DMD: variants seen among roughly 807,000 people sequenced by gnomAD.
The protein encoded by DMD is mutant dystrophin.
Under a neutral mutation model 330.1 loss-of-function variants are expected in DMD, and 63 were observed. The ratio of observed to expected loss-of-function variants is 0.19; its 90% CI spans 0.16 to 0.24. The LOEUF (loss-of-function observed/expected upper bound fraction) is 0.24. Ranked by LOEUF, DMD falls within the 10% of genes least tolerant of loss-of-function variation. The probability of loss-of-function intolerance (pLI) is 1.00; values close to 1 mark genes in which losing one functional copy is unlikely to be tolerated. For missense variants in DMD, 3,344 were observed against 2,684.1 expected (o/e 1.25, Z -5.43); for synonymous variants, 1,223 against 959.8 (o/e 1.27, Z -5.07).
At chrX:32,496,762 G>C (rs760764392) in intron 19 of DMD, among the ~76,000 whole-genome samples, 9 of 112,747 alleles carry the variant, frequency 8.0e-5, no homozygotes, top group Non-Finnish European at 1.5e-4. Flanking sequence ...GAAGAAAAAT[G>C]TGCCTGTCAA....
chrX:32,293,624 C>T (rs370782129), intron 42 of DMD, among the ~76,000 whole-genome samples: 6 of 111,697 alleles, frequency 5.4e-5, no homozygotes, highest in Non-Finnish European at 7.5e-5. Context: ...TAGCTTTGTA[C>T]GACATTGCAG....
At chrX:31,895,796 T>C (rs2094323363) in intron 47 of DMD, among the ~76,000 whole-genome samples, 1 of 111,700 alleles carries the variant, frequency 9.0e-6, no homozygotes, top group African/African-American at 3.2e-5. Flanking sequence ...TGACAGCTAT[T>C]TCATCTGCAC....
chrX:32,932,372 TTATA>T (rs2089662457), intron 2 of DMD, among the ~76,000 whole-genome samples: 1 of 112,111 alleles, frequency 8.9e-6, no homozygotes, highest in African/African-American at 3.2e-5. Context: ...GTGTGTCATA[TTATA>T]TATAGTTTCC....
intron 9 of DMD, among the ~76,000 whole-genome samples, chrX:32,670,389 A>G (rs2061558997): frequency 8.9e-6 from 1 of 112,156 alleles, no homozygotes; most frequent in African/African-American, 3.2e-5. Flanking sequence ...CACAAAGGCC[A>G]GAAGACATAA....
At chrX:31,651,386 G>A (rs2080441972) in intron 54 of DMD, among the ~76,000 whole-genome samples, 1 of 111,223 alleles carries the variant, frequency 9.0e-6, no homozygotes, top group Non-Finnish European at 1.9e-5. Context: ...TACTCAAAAT[G>A]TGCAGAGAGA....
chrX:33,236,495 T>C (rs761758237), intron 1 of DMD, among the ~76,000 whole-genome samples: 2 of 109,009 alleles, frequency 1.8e-5, no homozygotes, highest in Non-Finnish European at 3.8e-5. Flanking sequence ...GAACTCCTGA[T>C]CTCAAGTGAC....
At chrX:31,522,037 T>C (rs939264263) in intron 55 of DMD, among the ~76,000 whole-genome samples, 27 of 110,600 alleles carry the variant, frequency 2.4e-4, no homozygotes, top group African/African-American at 7.9e-4. Flanking sequence ...AAATAACATG[T>C]GATCATGTTA....
chrX:32,055,030 T>C (rs1325507365), intron 44 of DMD, among the ~76,000 whole-genome samples: 1 of 111,619 alleles, frequency 9.0e-6, no homozygotes, highest in Non-Finnish European at 1.9e-5. Context: ...AAACTATGCA[T>C]GGTGAAAATG....
chrX:32,684,391 A>G (rs760129802), intron 9 of DMD, among the ~76,000 whole-genome samples: 5 of 111,723 alleles, frequency 4.5e-5, no homozygotes, highest in Admixed American at 1.9e-4. Context: ...CATTAAAAAT[A>G]TTTACCCTAA....
At chrX:32,386,541 T>G in intron 32 of DMD, 76 bp from the exon 33 acceptor site, 1 of 924,954 alleles carries the variant, frequency 1.1e-6, no homozygotes, top group East Asian at 3.4e-5. Flanking sequence ...CAGAAATAAA[T>G]AGAGATCCCC....
At chrX:33,052,651 T>A (rs1275449868) in intron 1 of DMD, among the ~76,000 whole-genome samples, 2 of 111,858 alleles carry the variant, frequency 1.8e-5, no homozygotes, top group Non-Finnish European at 3.8e-5. Context: ...TAAAATTATA[T>A]ATTTTGAGGG....
intron 7 of DMD, among the ~76,000 whole-genome samples, chrX:32,766,171 A>C (rs2072957657): frequency 9.0e-6 from 1 of 111,069 alleles, no homozygotes; most frequent in Admixed American, 9.6e-5. Flanking sequence ...CGTTTCAACT[A>C]TTCCTGGATC....
At chrX:32,707,641 A>G (rs753214466) in intron 7 of DMD, among the ~76,000 whole-genome samples, 11 of 112,235 alleles carry the variant, frequency 9.8e-5, no homozygotes, top group Non-Finnish European at 1.3e-4. Context: ...CTCTTCCGTC[A>G]CAATTGTCCT....
chrX:32,875,272 C>T (rs868638544), intron 2 of DMD, among the ~76,000 whole-genome samples: 1 of 111,624 alleles, frequency 9.0e-6, no homozygotes, highest in African/African-American at 3.3e-5. Context: ...TAACAGATTA[C>T]ACCCTGTCTC....
intron 2 of DMD, among the ~76,000 whole-genome samples, chrX:32,930,635 G>C (rs780961412): frequency 5.4e-5 from 6 of 110,250 alleles, no homozygotes; most frequent in Admixed American, 3.9e-4. Flanking sequence ...GTCCTTCCCA[G>C]ATACTATGAA....
chrX:32,320,157 G>A (rs780184256), intron 41 of DMD, among the ~76,000 whole-genome samples: 1 of 111,202 alleles, frequency 9.0e-6, no homozygotes, highest in Non-Finnish European at 1.9e-5. Flanking sequence ...GTCAACTTGA[G>A]TAGATTTTTC....
At chrX:31,862,900 C>T (rs937237984) in intron 48 of DMD, among the ~76,000 whole-genome samples, 2 of 112,643 alleles carry the variant, frequency 1.8e-5, no homozygotes, top group Non-Finnish European at 3.8e-5. Flanking sequence ...CTCTGAAGAT[C>T]GAGAAAGAGG....
chrX:31,535,611 T>C (rs753200149), intron 55 of DMD, among the ~76,000 whole-genome samples: 2 of 109,748 alleles, frequency 1.8e-5, no homozygotes, highest in Admixed American at 9.8e-5. Flanking sequence ...CCAAAAGCAA[T>C]GGCAACAAAA....
At chrX:32,663,833 G>GT (rs1235564618) in intron 9 of DMD, among the ~76,000 whole-genome samples, 2 of 111,539 alleles carry the variant, frequency 1.8e-5, no homozygotes, top group East Asian at 5.6e-4. Flanking sequence ...ATATGAGAGA[G>GT]TAAGTCATGT....
Sources: allele counts gnomAD v4.1 joint callset (sites outside exome capture counted in the v4.1 genomes callset), GRCh38; gene constraint gnomAD v4.1.1; transcripts MANE v1.5; gene names NCBI Gene and HGNC (gene_info 2026-07-23, HGNC 2026-07-21).